The following TBC1D31 variants were observed in gnomAD, a reference collection of about 807,000 sequenced individuals.
TBC1D31 encodes TBC1 domain family member 31, also known as WD repeat domain 67.
TBC1D31 carries 99 observed loss-of-function variants against 132.9 expected under a neutral mutation model. The observed-to-expected ratio is 0.74, with a 90% CI of 0.63 to 0.88. The LOEUF (loss-of-function observed/expected upper bound fraction) is 0.88. Among genes scored for constraint, TBC1D31 ranks in the 40% least tolerant of loss-of-function variants. The pLI, the probability that TBC1D31 is intolerant of heterozygous loss-of-function variation, is 0.00. For synonymous variants in TBC1D31, 385 were observed against 419.4 expected (o/e 0.92, Z 1.00); for missense variants, 1,134 against 1,256.6 (o/e 0.90, Z 1.48).
chr8:123,077,870 G>A (rs1383491178), intron 2 of TBC1D31, among the ~76,000 whole-genome samples: 1 of 152,060 alleles, frequency 6.6e-6, no homozygotes. Flanking sequence ...CCAACGTGGT[G>A]AAACACTGTC....
intron 6 of TBC1D31, among the ~76,000 whole-genome samples, chr8:123,100,024 C>T (rs1039241363): frequency 2.0e-5 from 3 of 152,134 alleles, no homozygotes; most frequent in Admixed American, 2.0e-4. Flanking sequence ...CCCTAATCAC[C>T]TCTCATTAGG....
chr8:123,133,571 A>G (rs1378806088), intron 16 of TBC1D31, among the ~76,000 whole-genome samples: 1 of 152,222 alleles, frequency 6.6e-6, no homozygotes, highest in Non-Finnish European at 1.5e-5. Flanking sequence ...TCCATATCCC[A>G]TATCCAAAGC....
At chr8:123,080,778 G>A (rs963234169) in intron 2 of TBC1D31, among the ~76,000 whole-genome samples, 5 of 151,964 alleles carry the variant, frequency 3.3e-5, no homozygotes, top group East Asian at 1.9e-4. Flanking sequence ...CTCGTGATCC[G>A]CCCGCCTAGG....
chr8:123,126,714 G>T (rs1460894670), intron 13 of TBC1D31, 27 bp downstream of exon 13: 6 of 1,549,232 alleles, frequency 3.9e-6, no homozygotes, highest in East Asian at 4.6e-5. Flanking sequence ...TTAAGAGAAG[G>T]TTCTCAAATA....
chr8:123,149,798 C>T (rs556623156), intron 20 of TBC1D31, among the ~76,000 whole-genome samples: 4 of 152,288 alleles, frequency 2.6e-5, no homozygotes, highest in African/African-American at 9.6e-5. Flanking sequence ...AGTTTGTTGG[C>T]TTTTTGTTTT....
At chr8:123,099,876 T>C (rs1817213337) in intron 6 of TBC1D31, among the ~76,000 whole-genome samples, 1 of 152,124 alleles carries the variant, frequency 6.6e-6, no homozygotes, top group African/African-American at 2.4e-5. Context: ...TCTGTCATAA[T>C]ATAGTAGAAG....
chr8:123,131,254 C>T (rs1032658950), intron 16 of TBC1D31, among the ~76,000 whole-genome samples: 5 of 149,504 alleles, frequency 3.3e-5, no homozygotes, highest in South Asian at 2.1e-4. Context: ...ATCCCAGCTA[C>T]GCAGGAGGCT....
At chr8:123,082,645 A>T (rs1357285146) in intron 2 of TBC1D31, 57 bp from the exon 3 acceptor site, 6 of 1,288,970 alleles carry the variant, frequency 4.7e-6, no homozygotes, top group Non-Finnish European at 6.6e-6. Context: ...CTCCTTCCAC[A>T]TGGAATTTGT....
the TBC1D31 span, among the ~76,000 whole-genome samples, chr8:123,163,117 G>A: frequency 3.3e-5 from 5 of 151,124 alleles, no homozygotes; most frequent in Non-Finnish European, 7.4e-5. Flanking sequence ...GAGCCACTGC[G>A]CCCGGCCCAT....
At chr8:123,080,529 CTTTTTTTTTTT>C (rs57694076) in intron 2 of TBC1D31, among the ~76,000 whole-genome samples, 1 of 76,320 alleles carries the variant, frequency 1.3e-5, no homozygotes, top group Non-Finnish European at 2.3e-5. Context: ...TTCTTTTATT[CTTTTTTTTTTT>C]TTTTTTTTTT....
chr8:123,117,738 G>A (rs1162845155), intron 10 of TBC1D31, among the ~76,000 whole-genome samples: 1 of 131,346 alleles, frequency 7.6e-6, no homozygotes, highest in East Asian at 2.2e-4. Context: ...GGGCGACAGA[G>A]CGAAACTCCG....
At position 123,142,344 on chromosome 8, in the gene TBC1D31, G is replaced by T; in HGVS notation, c.2723G>T (p.Cys908Phe). 6.2e-7 allele frequency: 1 copy of T among 1,610,788 alleles called. No individual in the cohort carries two copies. The highest frequency in any genetic ancestry group is 1.1e-5 in the South Asian group (1 of 90,186). Residue 908 changes from cysteine to phenylalanine, a missense_variant, in exon 19 of 22, where the codon TGT becomes TTT. Cys to Phe is a radical substitution (Grantham distance 205). Transcript: ENST00000287380. ...WQIQSLHKQK[C>F]DDLQRNKCYQ... is the part of the protein sequence containing the mutation. ...ATTCAGTCTTTACATAAACAAAAAT[G>T]TGATGATCTACAACGAAACAAATGT...
At chr8:123,125,364 C>T (rs781709112) in intron 11 of TBC1D31, among the ~76,000 whole-genome samples, 1 of 152,144 alleles carries the variant, frequency 6.6e-6, no homozygotes, top group Non-Finnish European at 1.5e-5. Context: ...TTTGGACTAA[C>T]TGACTTTCAA....
chr8:123,159,529 C>T, the TBC1D31 span, among the ~76,000 whole-genome samples: 2 of 152,150 alleles, frequency 1.3e-5, no homozygotes, highest in South Asian at 2.1e-4. Context: ...CGGTGGCTCA[C>T]GTCTGTAATC....
chr8:123,086,778 GAC>G (rs1403066903), intron 4 of TBC1D31, among the ~76,000 whole-genome samples: 2 of 150,644 alleles, frequency 1.3e-5, no homozygotes, highest in African/African-American at 4.9e-5. Flanking sequence ...GGAGTGCAGT[GAC>G]ACAATGTCAG....
At position 123,151,839 on chromosome 8, in the gene TBC1D31, C is replaced by G; in HGVS notation, c.3101C>G (p.Thr1034Ser). Reference sequence around the variant, plus strand: ...AATAGAAGAGCAGTAGAATGGGACACCACGGGACAGAATCTTATTAAGAAA... The same window carrying G: ...AATAGAAGAGCAGTAGAATGGGACAGCACGGGACAGAATCTTATTAAGAAA... ...SLNRRAVEWD[T>S]TGQNLIKKVR... The change falls in exon 22 of 22, where the codon ACC becomes AGC. Residue 1034 changes from threonine to serine, a missense_variant. Transcript: ENST00000287380. 1 of 1,583,782 alleles carries G rather than the reference C, an allele frequency of 6.3e-7. No individual in the cohort carries two copies. Among genetic ancestry groups the G allele is most frequent in the Non-Finnish European group, 8.5e-7 (1 of 1,171,640 alleles).
At chr8:123,124,258 T>A (rs910512192) in intron 11 of TBC1D31, among the ~76,000 whole-genome samples, 1 of 152,226 alleles carries the variant, frequency 6.6e-6, no homozygotes, top group Non-Finnish European at 1.5e-5. Context: ...CATCTACATA[T>A]AATTTGGAAC....
downstream of TBC1D31, among the ~76,000 whole-genome samples, chr8:123,154,507 TG>T: frequency 6.6e-6 from 1 of 152,106 alleles, no homozygotes; most frequent in Non-Finnish European, 1.5e-5. Context: ...GAAACAAATC[TG>T]GGCACAGAAA....
chr8:123,105,336 CTG>C lies in TBC1D31; in HGVS notation c.1082_1083del (p.Leu361GlnfsTer4). On this transcript the variant is annotated frameshift_variant, in exon 8 of 22. Transcript: ENST00000287380. LOFTEE classifies it high-confidence loss of function. ...KVIEDLPKNK[L>X]SSSDLKMKVT... ...TATTGAAGATTTGCCCAAGAATAAA[CTG>C]AGTTCCAGTGATCTTAAGATGAAAG... is the stretch of plus-strand genomic sequence containing the variant. 1 of 1,602,970 alleles carries C rather than the reference CTG, an allele frequency of 6.2e-7. No individual in the cohort carries two copies. The highest frequency in any genetic ancestry group is 8.5e-7 in the Non-Finnish European group (1 of 1,174,094).
Sources: allele counts gnomAD v4.1 joint callset (sites outside exome capture counted in the v4.1 genomes callset), GRCh38; gene constraint gnomAD v4.1.1; transcripts MANE v1.5; gene names NCBI Gene and HGNC (gene_info 2026-07-23, HGNC 2026-07-21).